The following SLC39A11 variants were observed in gnomAD, a reference collection of about 807,000 sequenced individuals.
SLC39A11 encodes the protein zinc transporter ZIP11.
In SLC39A11, 33 loss-of-function variants were observed where a neutral mutation model predicts 36.1. The ratio of observed to expected loss-of-function variants is 0.91; its 90% confidence interval spans 0.69 to 1.22. The LOEUF is 1.22. SLC39A11 is among the 50% of genes most tolerant of loss of function. The pLI, the probability that SLC39A11 is intolerant of heterozygous loss-of-function variation, is 0.00. For synonymous variants in SLC39A11, 166 were observed against 170.3 expected (o/e 0.97, Z 0.20); for missense variants, 432 against 430.3 (o/e 1.00, Z -0.03).
intron 7 of SLC39A11, among the ~76,000 whole-genome samples, chr17:72,706,839 C>A (rs1044486011): frequency 6.6e-6 from 1 of 152,116 alleles, no homozygotes; most frequent in African/African-American, 2.4e-5. Flanking sequence ...GAGCCTGGGC[C>A]CCAGCCCAAC....
At chr17:72,725,780 T>A (rs1038024122) in intron 7 of SLC39A11, among the ~76,000 whole-genome samples, 1 of 152,166 alleles carries the variant, frequency 6.6e-6, no homozygotes, top group African/African-American at 2.4e-5. Flanking sequence ...GAGCTGCCAA[T>A]AGATCACTCT....
intron 6 of SLC39A11, among the ~76,000 whole-genome samples, chr17:72,766,226 C>T (rs2075753888): frequency 6.6e-6 from 1 of 152,158 alleles, no homozygotes; most frequent in African/African-American, 2.4e-5. Flanking sequence ...CTTCCCCAAT[C>T]ACACAGCACT....
At chr17:72,733,947 C>T (rs2074327534) in intron 7 of SLC39A11, among the ~76,000 whole-genome samples, 1 of 152,180 alleles carries the variant, frequency 6.6e-6, no homozygotes. Context: ...CTGGAAGCTG[C>T]AGCCCTTGAC....
intron 6 of SLC39A11, among the ~76,000 whole-genome samples, chr17:72,772,899 C>A (rs530686969): frequency 6.6e-6 from 1 of 152,182 alleles, no homozygotes; most frequent in East Asian, 1.9e-4. Context: ...GCCTGGCCAA[C>A]ATGGTGAAAC....
chr17:72,686,354 C>T (rs1260729348), intron 7 of SLC39A11, among the ~76,000 whole-genome samples: 4 of 152,180 alleles, frequency 2.6e-5, no homozygotes, highest in East Asian at 3.9e-4. Flanking sequence ...TGCTATGTGG[C>T]GACAGACCTT....
intron 4 of SLC39A11, among the ~76,000 whole-genome samples, chr17:72,996,704 A>G (rs1169973258): frequency 6.6e-6 from 1 of 152,154 alleles, no homozygotes; most frequent in Admixed American, 6.5e-5. Flanking sequence ...CATCTTAACT[A>G]ATTACATCTG....
At chr17:72,837,630 A>G (rs2078621482) in intron 6 of SLC39A11, among the ~76,000 whole-genome samples, 1 of 152,232 alleles carries the variant, frequency 6.6e-6, no homozygotes, top group Non-Finnish European at 1.5e-5. Flanking sequence ...AAAAAAGTAA[A>G]AACAATCCAA....
chr17:72,890,227 T>C (rs1033102142), intron 5 of SLC39A11, among the ~76,000 whole-genome samples: 2 of 151,038 alleles, frequency 1.3e-5, no homozygotes, highest in African/African-American at 4.9e-5. Flanking sequence ...ATAGCGCCAC[T>C]GCACTCCAGC....
intron 4 of SLC39A11, among the ~76,000 whole-genome samples, chr17:72,963,374 G>A (rs112278150): frequency 0.088 from 13,325 of 151,510 alleles, 841 homozygotes; most frequent in African/African-American, 0.17. Flanking sequence ...GTTTCACCGT[G>A]TTAGCCAGGA....
chr17:72,892,638 C>T (rs765529136), intron 5 of SLC39A11, among the ~76,000 whole-genome samples: 3 of 152,104 alleles, frequency 2.0e-5, no homozygotes, highest in Admixed American at 6.5e-5. Context: ...GAGCAGGAGA[C>T]AAAATTGAAT....
chr17:72,660,725 C>T (rs547018819), intron 7 of SLC39A11, among the ~76,000 whole-genome samples: 3 of 152,262 alleles, frequency 2.0e-5, no homozygotes, highest in South Asian at 2.1e-4. Context: ...CCATCCACAG[C>T]GGGATTTCTC....
intron 6 of SLC39A11, among the ~76,000 whole-genome samples, chr17:72,791,160 AAGTTTGAG>A (rs72033377): frequency 0.58 from 88,425 of 151,708 alleles, 26,993 homozygotes; most frequent in Non-Finnish European, 0.69. Context: ...GATGCATGTT[AAGTTTGAG>A]AACCGGCTGG....
At chr17:72,807,574 C>G (rs573063122) in intron 6 of SLC39A11, among the ~76,000 whole-genome samples, 3 of 152,056 alleles carry the variant, frequency 2.0e-5, no homozygotes. Context: ...AGAGGGGATT[C>G]GAAGGAGGCT....
At chr17:72,998,254 G>A (rs140798006) in intron 4 of SLC39A11, among the ~76,000 whole-genome samples, 36 of 152,170 alleles carry the variant, frequency 2.4e-4, no homozygotes, top group African/African-American at 8.0e-4. Context: ...AGGATAGGAT[G>A]TAGAGCCGTG....
At position 73,025,190 on chromosome 17, in the gene SLC39A11, C is replaced by A. The variant is rs371969884; in HGVS notation, c.306+6366G>T. 7.9e-5 allele frequency among the ~76,000 whole-genome samples: 12 copies of A among 152,284 alleles called. No individual in the cohort carries two copies. The South Asian group carries it at 2.5e-3, about 32-fold the overall frequency. ...TCCCTGCTTGCCAGCCTCCCCCACC[C>A]TCCTGGAGCCCGTCTGGGCAGGACT... On this transcript the variant is annotated intron_variant, in intron 4 of 9. Coordinates refer to ENST00000255559, the MANE Select transcript of SLC39A11 (RefSeq NM_139177.4).
At chr17:73,047,981 AAAAAAAAAAATATATATATATATATATAT>A (rs2059357117) in intron 3 of SLC39A11, among the ~76,000 whole-genome samples, 1 of 53,948 alleles carries the variant, frequency 1.9e-5, no homozygotes, top group African/African-American at 6.2e-5. Context: ...AAAAAAAAAA[AAAAAAAAAAATATATATATATATATATAT>A]ATATATATAT....
At chr17:72,965,171 CA>C (rs2086878585) in intron 4 of SLC39A11, among the ~76,000 whole-genome samples, 1 of 151,934 alleles carries the variant, frequency 6.6e-6, no homozygotes, top group African/African-American at 2.4e-5. Flanking sequence ...ATGGGTGCAG[CA>C]CACCAACATG....
intron 5 of SLC39A11, among the ~76,000 whole-genome samples, chr17:72,937,085 T>A (rs2084817998): frequency 6.6e-6 from 1 of 152,198 alleles, no homozygotes; most frequent in African/African-American, 2.4e-5. Context: ...TTTGCCATGG[T>A]CAGCTGATAT....
intron 6 of SLC39A11, among the ~76,000 whole-genome samples, chr17:72,822,916 T>C (rs1380555500): frequency 1.3e-5 from 2 of 150,462 alleles, no homozygotes; most frequent in Non-Finnish European, 3.0e-5. Context: ...GGTCTTGCCC[T>C]GTTTTTGTAG....
Sources: allele counts gnomAD v4.1 joint callset (sites outside exome capture counted in the v4.1 genomes callset), GRCh38; gene constraint gnomAD v4.1.1; transcripts MANE v1.5; gene names NCBI Gene and HGNC (gene_info 2026-07-23, HGNC 2026-07-21).